INIP: variants seen among roughly 807,000 people sequenced by gnomAD.
INIP encodes the protein SOSS complex subunit C.
In INIP, 9 loss-of-function variants were observed where a neutral mutation model predicts 14.0. The observed-to-expected ratio is 0.64, with a 90% confidence interval of 0.39 to 1.12. The LOEUF (loss-of-function observed/expected upper bound fraction) is 1.12, where lower values mean the gene tolerates loss of function less well. INIP is among the 50% of genes most tolerant of loss of function. The probability of loss-of-function intolerance (pLI) is 0.01; values close to 1 mark genes in which losing one functional copy is unlikely to be tolerated. For synonymous variants in INIP, 37 were observed against 41.5 expected (o/e 0.89, Z 0.41); for missense variants, 78 against 122.7 (o/e 0.64, Z 1.72).
At chr9:112,696,114 A>G (rs542521302) in intron 2 of INIP, among the ~76,000 whole-genome samples, 1 of 151,376 alleles carries the variant, frequency 6.6e-6, no homozygotes, top group East Asian at 1.9e-4. Context: ...CTGGTCTTGA[A>G]CTCCTGGGCT....
At chr9:112,708,967 C>G (rs1838566378) in intron 2 of INIP, among the ~76,000 whole-genome samples, 1 of 151,554 alleles carries the variant, frequency 6.6e-6, no homozygotes, top group Non-Finnish European at 1.5e-5. Flanking sequence ...TAAAAAATTA[C>G]TCAATCATTA....
intron 2 of INIP, among the ~76,000 whole-genome samples, chr9:112,710,216 G>A (rs1838603703): frequency 6.6e-6 from 1 of 152,174 alleles, no homozygotes; most frequent in Non-Finnish European, 1.5e-5. Context: ...CTACTCCTAT[G>A]CAGCATGCTG....
At chr9:112,695,790 G>A (rs1838061239) in intron 2 of INIP, among the ~76,000 whole-genome samples, 1 of 142,524 alleles carries the variant, frequency 7.0e-6, no homozygotes, top group Admixed American at 7.0e-5. Context: ...GGGGGAGGGG[G>A]AGGGGGAGGA....
intron 2 of INIP, among the ~76,000 whole-genome samples, chr9:112,698,464 G>T (rs1838178504): frequency 3.3e-5 from 5 of 152,028 alleles, no homozygotes; most frequent in Admixed American, 3.3e-4. Context: ...CCTGTGTATG[G>T]CAATCTGATG....
Position 112,689,540 on chromosome 9 carries a change from T to C in INIP, c.206A>G (p.Lys69Arg). 2 of 1,614,148 alleles carry C rather than the reference T, an allele frequency of 1.2e-6. No individual in the cohort carries two copies. The highest frequency in any genetic ancestry group is 1.7e-6 in the Non-Finnish European group (2 of 1,179,966). Reference protein sequence around the residue: ...AEQQHIAAQQKAALQHAHAHS... With the variant: ...AEQQHIAAQQRAALQHAHAHS... ...TACACTGCTCACCTGCAAAGCTGCC[T>C]TCTGTTGGGCTGCAATATGCTGCTG... The change falls in exon 4 of 5, where the codon AAG becomes AGG. Residue 69 changes from lysine (K) to arginine (R), a missense_variant. Physicochemically the swap from Lys to Arg is conservative, Grantham distance 26. Transcript: ENST00000374242.
chr9:112,693,617 T>C (rs1392738865), intron 3 of INIP, among the ~76,000 whole-genome samples: 1 of 152,216 alleles, frequency 6.6e-6, no homozygotes, highest in African/African-American at 2.4e-5. Context: ...CTGTCTTTTG[T>C]TACAGAGGTC....
chr9:112,707,263 C>G (rs1397916958), intron 2 of INIP, among the ~76,000 whole-genome samples: 3 of 146,354 alleles, frequency 2.0e-5, no homozygotes, highest in Non-Finnish European at 4.5e-5. Flanking sequence ...TTTTTTTAAA[C>G]CAAGCCATGT....
At chr9:112,704,401 T>C (rs1271729256) in intron 2 of INIP, among the ~76,000 whole-genome samples, 1 of 152,078 alleles carries the variant, frequency 6.6e-6, no homozygotes, top group Non-Finnish European at 1.5e-5. Context: ...CAAGTTATAA[T>C]GACAACAGAG....
chr9:112,687,819 C>T (rs970472369), intron 4 of INIP, among the ~76,000 whole-genome samples, 186 bp from the exon 5 acceptor site: 11 of 152,132 alleles, frequency 7.2e-5, no homozygotes, highest in Non-Finnish European at 1.5e-4. Context: ...GGCGCGGTGG[C>T]TCACACTGGT....
intron 2 of INIP, among the ~76,000 whole-genome samples, chr9:112,708,441 C>T (rs533096656): frequency 3.3e-4 from 50 of 152,058 alleles, no homozygotes; most frequent in African/African-American, 1.0e-3. Flanking sequence ...GAGATACAAA[C>T]GGATCCAATA....
At chr9:112,689,439 G>C in intron 4 of INIP, 88 bp downstream of exon 4, 1 of 1,006,214 alleles carries the variant, frequency 9.9e-7, no homozygotes, top group Non-Finnish European at 1.6e-6. Flanking sequence ...TATTGATATT[G>C]CTCCACTGAA....
intron 1 of INIP, among the ~76,000 whole-genome samples, chr9:112,716,775 T>C (rs1838832778): frequency 6.6e-6 from 1 of 150,750 alleles, no homozygotes; most frequent in South Asian, 2.1e-4. Flanking sequence ...TGAAACCCAG[T>C]CTCTACTAAA....
chr9:112,715,125 T>TACAC (rs1184104308), intron 2 of INIP, among the ~76,000 whole-genome samples: 9 of 106,414 alleles, frequency 8.5e-5, no homozygotes, highest in African/African-American at 3.3e-4. Flanking sequence ...CACACATACA[T>TACAC]ACATACATAC....
chr9:112,713,715 G>C (rs1229364895), intron 2 of INIP, among the ~76,000 whole-genome samples: 1 of 152,110 alleles, frequency 6.6e-6, no homozygotes, highest in Non-Finnish European at 1.5e-5. Context: ...CTGAGGCCGG[G>C]CACAGTGGCT....
chr9:112,709,519 G>T (rs753500838), intron 2 of INIP, among the ~76,000 whole-genome samples: 2 of 152,052 alleles, frequency 1.3e-5, no homozygotes, highest in Non-Finnish European at 2.9e-5. Flanking sequence ...CACTTCAAAG[G>T]GTGGTTACAG....
At chr9:112,701,450 T>C (rs1399186320) in intron 2 of INIP, among the ~76,000 whole-genome samples, 1 of 152,224 alleles carries the variant, frequency 6.6e-6, no homozygotes, top group Non-Finnish European at 1.5e-5. Context: ...AAGGTGTAAA[T>C]ACAGGTATTA....
intron 3 of INIP, 37 bp downstream of exon 3, chr9:112,694,093 AC>A: frequency 7.4e-7 from 1 of 1,354,684 alleles, no homozygotes; most frequent in Non-Finnish European, 1.0e-6. Context: ...ACAAAACAAA[AC>A]AAAACAAACA....
At chr9:112,709,023 T>C (rs1322161285) in intron 2 of INIP, among the ~76,000 whole-genome samples, 1 of 152,082 alleles carries the variant, frequency 6.6e-6, no homozygotes, top group Non-Finnish European at 1.5e-5. Context: ...AGAAAAGGAA[T>C]CAAGCCCTAA....
intron 2 of INIP, among the ~76,000 whole-genome samples, chr9:112,696,949 T>G (rs574896526): frequency 5.9e-5 from 9 of 152,144 alleles, no homozygotes; most frequent in African/African-American, 1.9e-4. Flanking sequence ...CTTGTCCTTT[T>G]GGGGTTTTCT....
Sources: gnomAD v4.1 joint callset for allele counts (sites outside exome capture counted in the v4.1 genomes callset) on GRCh38, gnomAD v4.1.1 for gene constraint, MANE v1.5 for transcripts, NCBI Gene and HGNC (gene_info 2026-07-23, HGNC 2026-07-21) for gene names.